The following SND1 variants were observed in gnomAD, a reference collection of about 807,000 sequenced individuals.
SND1 encodes staphylococcal nuclease and tudor domain containing 1, also known as staphylococcal nuclease domain-containing protein 1.
In SND1, 38 loss-of-function variants were observed where a neutral mutation model predicts 121.7. The ratio of observed to expected loss-of-function variants is 0.31; its 90% CI spans 0.24 to 0.41. SND1 has a LOEUF of 0.41. SND1 is among the 10% of genes least tolerant of loss of function. The pLI is 1.00. For synonymous variants in SND1, 401 were observed against 447.4 expected, an observed-to-expected ratio of 0.90 and a Z score of 1.31; for missense variants, 868 against 1,184.6, an observed-to-expected ratio of 0.73 and a Z score of 3.92.
At chr7:127,728,284 G>C (rs1386687327) in intron 10 of SND1, among the ~76,000 whole-genome samples, 1 of 151,754 alleles carries the variant, frequency 6.6e-6, no homozygotes, top group East Asian at 1.9e-4. Flanking sequence ...CCTGAACTGG[G>C]TGCATTTACT....
At chr7:127,706,282 G>A (rs1166823772) in intron 8 of SND1, among the ~76,000 whole-genome samples, 1 of 114,396 alleles carries the variant, frequency 8.7e-6, no homozygotes, top group African/African-American at 3.6e-5. Flanking sequence ...TTTTGAGACG[G>A]AGTCTTGCTC....
At position 128,028,741 on chromosome 7, in the gene SND1, T is replaced by C. The variant is rs377443896; in HGVS notation, c.1779+37685T>C. On this transcript the variant is annotated intron_variant, in intron 16 of 23. Coordinates refer to ENST00000354725, the MANE Select transcript of SND1 (RefSeq NM_014390.4). ...GTCTGAATTATATAAGGTTCAGAGATAGTGGTGACTGTGGGGTGCAGAGAG... is the reference window on the plus strand; with the variant it reads ...GTCTGAATTATATAAGGTTCAGAGACAGTGGTGACTGTGGGGTGCAGAGAG... 70 of 1,614,150 alleles carry C rather than the reference T, an allele frequency of 4.3e-5. No individual in the cohort carries two copies. In the East Asian group the frequency reaches 8.2e-4, roughly 19 times the overall value.
At chr7:128,045,650 A>G (rs949922607) in intron 16 of SND1, among the ~76,000 whole-genome samples, 1 of 152,232 alleles carries the variant, frequency 6.6e-6, no homozygotes, top group African/African-American at 2.4e-5. Context: ...TTAAATAATC[A>G]GATTTATCAT....
In SND1 at chr7:128,029,073, A is replaced by G; in HGVS notation, c.1779+38017A>G. 1 of 1,614,044 alleles carries G rather than the reference A, an allele frequency of 6.2e-7. No individual in the cohort carries two copies. The highest frequency in any genetic ancestry group is 8.5e-7 in the Non-Finnish European group (1 of 1,180,002). Reference sequence around the variant, plus strand: ...GCCAATGATGATCTTGGTGGTCTTCATGACTTCATCCAGGCTGGTCTGCAT... The same window carrying G: ...GCCAATGATGATCTTGGTGGTCTTCGTGACTTCATCCAGGCTGGTCTGCAT... On this transcript the variant is annotated intron_variant, in intron 16 of 23. Coordinates refer to ENST00000354725, the MANE Select transcript of SND1 (RefSeq NM_014390.4). This position sits in a 1 kb window ranked among gnomAD's most constrained non-coding sequence, Gnocchi z 4.2.
chr7:127,823,621 A>G (rs1798590986), intron 11 of SND1, among the ~76,000 whole-genome samples: 2 of 152,238 alleles, frequency 1.3e-5, no homozygotes, highest in Admixed American at 1.3e-4. Flanking sequence ...CCCTGAATTT[A>G]CCTGTCTAAC....
intron 10 of SND1, among the ~76,000 whole-genome samples, chr7:127,777,775 G>C (rs1292218428): frequency 6.6e-6 from 1 of 152,004 alleles, no homozygotes; most frequent in South Asian, 2.1e-4. Flanking sequence ...TCCTGGGTTC[G>C]AGCAATTTTT....
chr7:127,901,892 G>A (rs1166650094), intron 13 of SND1, among the ~76,000 whole-genome samples: 1 of 152,136 alleles, frequency 6.6e-6, no homozygotes, highest in Non-Finnish European at 1.5e-5. Context: ...TAGAAGCAGG[G>A]TAGAGCATGA....
At chr7:128,066,295 G>A (rs975226558) in intron 16 of SND1, among the ~76,000 whole-genome samples, 1 of 152,228 alleles carries the variant, frequency 6.6e-6, no homozygotes, top group Non-Finnish European at 1.5e-5. Flanking sequence ...TTTCTTTTCA[G>A]GAGCCTCTTG....
intron 15 of SND1, among the ~76,000 whole-genome samples, chr7:127,973,324 T>C (rs1478610252): frequency 3.9e-5 from 6 of 152,142 alleles, no homozygotes. Context: ...AGTCATCAGC[T>C]TATAGTGGAA....
chr7:127,810,087 C>A (rs1270289033), intron 11 of SND1, among the ~76,000 whole-genome samples: 4 of 152,130 alleles, frequency 2.6e-5, no homozygotes, highest in Non-Finnish European at 5.9e-5. Flanking sequence ...TCTTTCATAG[C>A]CCTACTTTTT....
At chr7:127,948,292 A>T (rs1003922135) in intron 15 of SND1, among the ~76,000 whole-genome samples, 8 of 152,146 alleles carry the variant, frequency 5.3e-5, no homozygotes, top group Admixed American at 5.2e-4. Flanking sequence ...TCCAGGTTAT[A>T]GTCCTAGCTA....
At chr7:127,766,635 C>G (rs961567021) in intron 10 of SND1, among the ~76,000 whole-genome samples, 1 of 151,498 alleles carries the variant, frequency 6.6e-6, no homozygotes, top group East Asian at 1.9e-4. Flanking sequence ...ATTAGCCGGG[C>G]GTGGTGGCGG....
chr7:127,950,498 A>G (rs988555278), intron 15 of SND1, among the ~76,000 whole-genome samples: 1 of 152,328 alleles, frequency 6.6e-6, no homozygotes, highest in East Asian at 1.9e-4. Flanking sequence ...CCAGTACTTG[A>G]TACATGAATT....
At chr7:127,706,038 A>G (rs1436594549) in intron 8 of SND1, among the ~76,000 whole-genome samples, 1 of 152,168 alleles carries the variant, frequency 6.6e-6, no homozygotes, top group Non-Finnish European at 1.5e-5. Context: ...GTATTGTCTG[A>G]TGGAAAAGAA....
intron 15 of SND1, among the ~76,000 whole-genome samples, chr7:127,954,528 AGCCCT>A (rs1801549520): frequency 6.6e-6 from 1 of 152,076 alleles, no homozygotes; most frequent in African/African-American, 2.4e-5. Flanking sequence ...TGTATGGAGC[AGCCCT>A]CTCTCTCTTT....
chr7:128,088,769 A>T (rs928773079), intron 21 of SND1, among the ~76,000 whole-genome samples: 1 of 141,270 alleles, frequency 7.1e-6, no homozygotes, highest in Non-Finnish European at 1.6e-5. Flanking sequence ...CTGTCTCTTT[A>T]AAAAAAAAAA....
intron 15 of SND1, among the ~76,000 whole-genome samples, chr7:127,979,473 G>A (rs1254189068): frequency 1.3e-5 from 2 of 152,122 alleles, no homozygotes; most frequent in East Asian, 1.9e-4. Context: ...GCAGGGGTAC[G>A]AGCTGGAGTG....
intron 16 of SND1, chr7:128,028,876 C>T (rs748453907): frequency 1.2e-6 from 2 of 1,614,138 alleles, no homozygotes; most frequent in Admixed American, 1.7e-5. Flanking sequence ...CCTGATACAC[C>T]GGACGGAGCT....
At chr7:127,785,398 T>G (rs1420865100) in intron 10 of SND1, among the ~76,000 whole-genome samples, 2 of 152,232 alleles carry the variant, frequency 1.3e-5, no homozygotes, top group Non-Finnish European at 2.9e-5. Context: ...ATTCATCTTG[T>G]GAATTCTGAT....
Sources: gnomAD v4.1 joint callset for allele counts (sites outside exome capture counted in the v4.1 genomes callset) on GRCh38, gnomAD v4.1.1 for gene constraint, Gnocchi (gnomAD v3.1) non-coding constraint, MANE v1.5 for transcripts, NCBI Gene and HGNC (gene_info 2026-07-23, HGNC 2026-07-21) for gene names.